Variants in GALNT18 observed in about 807,000 individuals in gnomAD.
GALNT18 encodes the protein GalNAc-transferase 18.
In GALNT18, 44 loss-of-function variants were observed where a neutral mutation model predicts 69.5. The observed-to-expected ratio is 0.63, with a 90% CI of 0.50 to 0.81. The LOEUF (loss-of-function observed/expected upper bound fraction) is 0.81. Among genes scored for constraint, GALNT18 ranks in the 40% least tolerant of loss-of-function variants. The pLI is 0.00. For synonymous variants in GALNT18, 364 were observed against 318.2 expected (o/e 1.14, Z -1.53); for missense variants, 715 against 810.0 (o/e 0.88, Z 1.42).
At chr11:11,353,049 C>T (rs759040823) in intron 6 of GALNT18, 4 of 1,614,168 alleles carry the variant, frequency 2.5e-6, no homozygotes, top group African/African-American at 1.3e-5. Flanking sequence ...CTCGTAATCC[C>T]AGTATTCTCG....
intron 3 of GALNT18, 56 bp from the exon 4 acceptor site, chr11:11,379,320 G>A: frequency 2.0e-6 from 3 of 1,513,524 alleles, no homozygotes; most frequent in Non-Finnish European, 2.7e-6. Context: ...GGCAGAGGGG[G>A]CAATCACAAC....
chr11:11,477,275 A>G (rs1197789153), intron 1 of GALNT18, among the ~76,000 whole-genome samples: 2 of 152,232 alleles, frequency 1.3e-5, no homozygotes, highest in Admixed American at 6.5e-5. Context: ...GGATCCCTCA[A>G]TAAGCCACTA....
intron 3 of GALNT18, among the ~76,000 whole-genome samples, chr11:11,408,571 T>G (rs2133751950): frequency 6.6e-6 from 1 of 152,108 alleles, no homozygotes; most frequent in East Asian, 1.9e-4. Context: ...CTGTTGTGAC[T>G]CCTACTCTCC....
rs907389904 is a variant in GALNT18, at chr11:11,603,917, A to G, written c.235+17442T>C. On this transcript the variant is annotated intron_variant, in intron 1 of 10. Coordinates refer to ENST00000227756, the MANE Select transcript of GALNT18 (RefSeq NM_198516.3). The surrounding 1 kb of genome is among the most constrained non-coding windows in gnomAD (Gnocchi z 4.5). ...CCATATGTTGAAATCCTAACCCCTA[A>G]GTTGATGGAATTAGGAGGTAGGGCC... Among the ~76,000 whole-genome samples the G allele has an allele frequency of 6.6e-6, 1 of 152,150 alleles. No homozygotes were observed. Among genetic ancestry groups the G allele is most frequent in the Non-Finnish European group, 1.5e-5 (1 of 68,020 alleles).
At chr11:11,277,658 CA>C (rs1848978850) in intron 10 of GALNT18, among the ~76,000 whole-genome samples, 1 of 152,150 alleles carries the variant, frequency 6.6e-6, no homozygotes, top group African/African-American at 2.4e-5. Context: ...TTTCCCTCTA[CA>C]ACACTGCTTT....
In GALNT18 at chr11:11,432,198, C is replaced by T. The variant is rs1046813390; in HGVS notation, c.595+423G>A. On this transcript the variant is annotated intron_variant, in intron 3 of 10. Coordinates refer to ENST00000227756, the MANE Select transcript of GALNT18 (RefSeq NM_198516.3). This position sits in a 1 kb window ranked among gnomAD's most constrained non-coding sequence, Gnocchi z 5.8. ...CCACCACTACAACCTCCATCACCACCAGCACCATCATCACCACTGCCACTG... is the reference window on the plus strand; with the variant it reads ...CCACCACTACAACCTCCATCACCACTAGCACCATCATCACCACTGCCACTG... Among the ~76,000 whole-genome samples the T allele has an allele frequency of 5.9e-5, 9 of 152,204 alleles. No homozygotes were observed. The highest frequency in any genetic ancestry group is 2.2e-4 in the African/African-American group (9 of 41,444).
At position 11,563,639 on chromosome 11, in the gene GALNT18, A is replaced by C. The variant is rs1242357672; in HGVS notation, c.235+57720T>G. 1.3e-5 allele frequency among the ~76,000 whole-genome samples: 2 copies of C among 152,236 alleles called. No homozygotes were observed. Among genetic ancestry groups the C allele is most frequent in the Non-Finnish European group, 1.5e-5 (1 of 68,048 alleles). On this transcript the variant is annotated intron_variant, in intron 1 of 10. Coordinates refer to ENST00000227756, the MANE Select transcript of GALNT18 (RefSeq NM_198516.3). The surrounding 1 kb of genome is among the most constrained non-coding windows in gnomAD (Gnocchi z 4.6). ...AAACTAAGGCTCAAAGCCTAAGGCT[A>C]GCTTGTGGTTGCTGGTGGGGGCCCC...
At chr11:11,490,946 T>C (rs1239785158) in intron 1 of GALNT18, among the ~76,000 whole-genome samples, 1 of 152,192 alleles carries the variant, frequency 6.6e-6, no homozygotes, top group Non-Finnish European at 1.5e-5. Flanking sequence ...GAAAGTCCAG[T>C]ACCCAAAGGT....
At chr11:11,395,015 T>A (rs1474754000) in intron 3 of GALNT18, among the ~76,000 whole-genome samples, 1 of 152,268 alleles carries the variant, frequency 6.6e-6, no homozygotes, top group Non-Finnish European at 1.5e-5. Context: ...GACTCAGCTC[T>A]GCGGTATAAG....
At chr11:11,352,089 G>A in intron 6 of GALNT18, 1 of 1,613,644 alleles carries the variant, frequency 6.2e-7, no homozygotes, top group African/African-American at 1.3e-5. Flanking sequence ...GCTGACGGGC[G>A]TACTGCCCCC....
intron 9 of GALNT18, among the ~76,000 whole-genome samples, chr11:11,307,102 G>C (rs1438542262): frequency 6.6e-6 from 1 of 152,186 alleles, no homozygotes; most frequent in South Asian, 2.1e-4. Context: ...ACAGATGCCT[G>C]AGTCAGCCCA....
intron 1 of GALNT18, among the ~76,000 whole-genome samples, chr11:11,539,136 A>G (rs1277978506): frequency 6.6e-6 from 1 of 152,220 alleles, no homozygotes; most frequent in African/African-American, 2.4e-5. Context: ...TCCAGTGCTG[A>G]GGGCAAACGC....
rs1271909721 is a variant in GALNT18 at position 11,620,104 on chromosome 11, T to C, written c.235+1255A>G. Among the ~76,000 whole-genome samples, 1 of 132,634 alleles carries C rather than the reference T, an allele frequency of 7.5e-6. No individual in the cohort carries two copies. The highest frequency in any genetic ancestry group is 2.5e-4 in the East Asian group (1 of 3,926). 87.0% of individuals were successfully genotyped at this position (132,634 alleles called of 152,430 possible). A position where few individuals can be genotyped will look rare whatever the true frequency, so the allele number is the denominator to read the frequency against. Reference sequence around the variant, plus strand: ...AGGTGCAAGGATTGGAATTCAGACATCCACGTGTAAACAAAAGGGAGTGCT... The same window carrying C: ...AGGTGCAAGGATTGGAATTCAGACACCCACGTGTAAACAAAAGGGAGTGCT... On this transcript the variant is annotated intron_variant, in intron 1 of 10. Coordinates refer to ENST00000227756, the MANE Select transcript of GALNT18 (RefSeq NM_198516.3). The surrounding 1 kb of genome is among the most constrained non-coding windows in gnomAD (Gnocchi z 6.9).
intron 10 of GALNT18, among the ~76,000 whole-genome samples, chr11:11,287,564 T>C (rs1849216527): frequency 6.6e-6 from 1 of 152,148 alleles, no homozygotes; most frequent in African/African-American, 2.4e-5. Context: ...CAGAAATCCA[T>C]CACTGAATCC....
chr11:11,357,656 C>T (rs1850559103), intron 6 of GALNT18, among the ~76,000 whole-genome samples: 1 of 152,166 alleles, frequency 6.6e-6, no homozygotes, highest in Non-Finnish European at 1.5e-5. Flanking sequence ...CACTTTTTCT[C>T]TTGGGACCAG....
At chr11:11,429,370 G>A (rs1233080725) in intron 3 of GALNT18, among the ~76,000 whole-genome samples, 1 of 152,080 alleles carries the variant, frequency 6.6e-6, no homozygotes, top group Non-Finnish European at 1.5e-5. Context: ...CTAACTTTCG[G>A]TTCTTTCCTC....
Position 11,582,183 on chromosome 11 carries a change from G to C in GALNT18, c.235+39176C>G, listed in dbSNP as rs1208732622. On this transcript the variant is annotated intron_variant, in intron 1 of 10. Transcript: ENST00000227756. The surrounding 1 kb of genome is among the most constrained non-coding windows in gnomAD (Gnocchi z 5.0). Reference sequence around the variant, plus strand: ...AAGAGGGCATTCCCGAAAGAGGAAAGAGCAGGCAAAGGCTCTGAAGCAGGA... The same window carrying C: ...AAGAGGGCATTCCCGAAAGAGGAAACAGCAGGCAAAGGCTCTGAAGCAGGA... Among the ~76,000 whole-genome samples, 1 of 152,202 alleles carries C rather than the reference G, an allele frequency of 6.6e-6. No individual in the cohort carries two copies. The highest frequency in any genetic ancestry group is 1.5e-5 in the Non-Finnish European group (1 of 68,038).
intron 3 of GALNT18, among the ~76,000 whole-genome samples, chr11:11,407,171 G>C (rs1330576606): frequency 6.6e-6 from 1 of 152,210 alleles, no homozygotes. Context: ...GAGACAATGT[G>C]TTCAGGCCAA....
In GALNT18 at chr11:11,421,419, G is replaced by A. The variant is rs1855001585; in HGVS notation, c.595+11202C>T. Among the ~76,000 whole-genome samples, 2 of 152,200 alleles carry A rather than the reference G, an allele frequency of 1.3e-5. No individual in the cohort carries two copies. The highest frequency in any genetic ancestry group is 4.8e-5 in the African/African-American group (2 of 41,448). ...CCAGCCCCCATGATGTAGGAAGCCA[G>A]GTGGATCGAACCGTGGAAGCAGAGC... On this transcript the variant is annotated intron_variant, in intron 3 of 10. Transcript: ENST00000227756. This position sits in a 1 kb window ranked among gnomAD's most constrained non-coding sequence, Gnocchi z 5.6.
Sources: allele counts gnomAD v4.1 joint callset (sites outside exome capture counted in the v4.1 genomes callset), GRCh38; gene constraint gnomAD v4.1.1; non-coding constraint Gnocchi (gnomAD v3.1); transcripts MANE v1.5; gene names NCBI Gene and HGNC (gene_info 2026-07-23, HGNC 2026-07-21).